The following AGBL1 variants were observed in gnomAD, a reference collection of about 807,000 sequenced individuals.
The protein encoded by AGBL1 is cytosolic carboxypeptidase 4.
AGBL1 carries 130 observed loss-of-function variants against 118.9 expected under a neutral mutation model. The ratio of observed to expected loss-of-function variants is 1.09; its 90% CI spans 0.95 to 1.26. The LOEUF (loss-of-function observed/expected upper bound fraction) is 1.26, where lower values mean the gene tolerates loss of function less well. Among genes scored for constraint, AGBL1 ranks in the 50% most tolerant of loss-of-function variants. AGBL1 has a pLI of 0.00. For synonymous variants in AGBL1, 555 were observed against 478.9 expected, an observed-to-expected ratio of 1.16 and a Z score of -2.08; for missense variants, 1,584 against 1,298.1, an observed-to-expected ratio of 1.22 and a Z score of -3.38.
chr15:86,835,246 T>C (rs980843297), intron 22 of AGBL1, among the ~76,000 whole-genome samples: 9 of 151,986 alleles, frequency 5.9e-5, no homozygotes, highest in African/African-American at 2.2e-4. Flanking sequence ...TCTAGGTCTT[T>C]CACACCTAGA....
At chr15:86,459,076 G>T (rs1296156155) in intron 18 of AGBL1, among the ~76,000 whole-genome samples, 1 of 152,088 alleles carries the variant, frequency 6.6e-6, no homozygotes, top group Non-Finnish European at 1.5e-5. Context: ...TTTGATCCAA[G>T]AAACTAGAAG....
chr15:86,392,326 C>T (rs1174744107), intron 17 of AGBL1, among the ~76,000 whole-genome samples: 1 of 152,044 alleles, frequency 6.6e-6, no homozygotes, highest in Non-Finnish European at 1.5e-5. Flanking sequence ...AACTAGTTTC[C>T]TATGAATGTG....
intron 23 of AGBL1, among the ~76,000 whole-genome samples, chr15:86,970,818 T>C (rs1283395887): frequency 6.6e-6 from 1 of 151,964 alleles, no homozygotes; most frequent in Non-Finnish European, 1.5e-5. Flanking sequence ...GCCCTCCATA[T>C]CTATGGGTCC....
At chr15:86,361,019 G>C (rs1260353475) in intron 17 of AGBL1, among the ~76,000 whole-genome samples, 1 of 150,102 alleles carries the variant, frequency 6.7e-6, no homozygotes, top group Non-Finnish European at 1.5e-5. Flanking sequence ...TGCTAATTTT[G>C]ATCTTTTTTA....
At chr15:86,335,870 G>A (rs548413270) in intron 17 of AGBL1, among the ~76,000 whole-genome samples, 18 of 152,314 alleles carry the variant, frequency 1.2e-4, no homozygotes, top group African/African-American at 4.1e-4. Context: ...TACTACCTGT[G>A]AGAATTTGGC....
intron 5 of AGBL1, among the ~76,000 whole-genome samples, chr15:86,206,399 A>T (rs1000868214): frequency 8.5e-5 from 13 of 152,206 alleles, no homozygotes; most frequent in African/African-American, 3.1e-4. Flanking sequence ...ACTGTCTTCC[A>T]AAATGGTTGA....
chr15:86,493,933 A>C (rs1324386080), intron 18 of AGBL1, among the ~76,000 whole-genome samples: 1 of 151,650 alleles, frequency 6.6e-6, no homozygotes, highest in African/African-American at 2.4e-5. Flanking sequence ...TCTTCACTCT[A>C]TCCTTCCATT....
chr15:86,991,029 TG>T (rs2081331847), intron 24 of AGBL1, among the ~76,000 whole-genome samples: 2 of 152,224 alleles, frequency 1.3e-5, no homozygotes, highest in Admixed American at 6.5e-5. Flanking sequence ...TTTATTCATT[TG>T]TTGCTGTTAG....
intron 23 of AGBL1, among the ~76,000 whole-genome samples, chr15:86,921,793 C>A (rs777824533): frequency 4.6e-5 from 7 of 152,140 alleles, no homozygotes; most frequent in Non-Finnish European, 8.8e-5. Context: ...ATTTCACCAT[C>A]TTGTACTCAG....
chr15:86,445,954 T>A (rs2082115450), intron 18 of AGBL1, among the ~76,000 whole-genome samples: 1 of 152,090 alleles, frequency 6.6e-6, no homozygotes, highest in Non-Finnish European at 1.5e-5. Flanking sequence ...TCAAAGAACA[T>A]CTGTTATCCA....
At chr15:86,176,748 C>T (rs938456739) in intron 5 of AGBL1, among the ~76,000 whole-genome samples, 3 of 152,106 alleles carry the variant, frequency 2.0e-5, no homozygotes, top group Non-Finnish European at 4.4e-5. Flanking sequence ...GTGTGGGATC[C>T]AGCCTAAACT....
intron 18 of AGBL1, among the ~76,000 whole-genome samples, chr15:86,475,029 A>C (rs949306905): frequency 2.6e-5 from 4 of 151,806 alleles, no homozygotes; most frequent in African/African-American, 9.7e-5. Flanking sequence ...TGTTAGAAGG[A>C]AAACTAATAA....
intron 18 of AGBL1, among the ~76,000 whole-genome samples, chr15:86,497,068 A>G (rs950618719): frequency 9.9e-5 from 15 of 151,976 alleles, no homozygotes; most frequent in African/African-American, 3.6e-4. Flanking sequence ...TGAGATGAGG[A>G]CATTAGCAAA....
intron 22 of AGBL1, among the ~76,000 whole-genome samples, chr15:86,813,195 T>C (rs1381430795): frequency 1.2e-5 from 1 of 80,912 alleles, no homozygotes; most frequent in Non-Finnish European, 3.0e-5. Flanking sequence ...GGTCACACCT[T>C]TGAGGGTTGG....
At chr15:86,190,444 A>T (rs1286462775) in intron 5 of AGBL1, among the ~76,000 whole-genome samples, 2 of 152,166 alleles carry the variant, frequency 1.3e-5, no homozygotes, top group Non-Finnish European at 2.9e-5. Context: ...TCTATTCTTC[A>T]TATTTTATGT....
intron 23 of AGBL1, among the ~76,000 whole-genome samples, chr15:86,985,865 T>A (rs1269173973): frequency 6.6e-6 from 1 of 152,180 alleles, no homozygotes; most frequent in Non-Finnish European, 1.5e-5. Flanking sequence ...CCATTTCGAG[T>A]TCGCTTTTGT....
intron 1 of AGBL1, among the ~76,000 whole-genome samples, chr15:86,098,506 G>A (rs1339297069): frequency 6.6e-6 from 1 of 151,952 alleles, no homozygotes; most frequent in Admixed American, 6.6e-5. Context: ...GAGAGATAGG[G>A]GTCCATTTTC....
At chr15:87,005,615 C>T (rs1303757421) in intron 24 of AGBL1, among the ~76,000 whole-genome samples, 2 of 152,124 alleles carry the variant, frequency 1.3e-5, no homozygotes, top group Admixed American at 6.5e-5. Flanking sequence ...AGGTTTTTAA[C>T]TTCTTTGCCA....
At chr15:86,402,896 C>T (rs2081468962) in intron 18 of AGBL1, among the ~76,000 whole-genome samples, 1 of 152,066 alleles carries the variant, frequency 6.6e-6, no homozygotes, top group African/African-American at 2.4e-5. Flanking sequence ...CAAAAACAAA[C>T]AAACAAACAA....
Sources: allele counts gnomAD v4.1 joint callset (sites outside exome capture counted in the v4.1 genomes callset), GRCh38; gene constraint gnomAD v4.1.1; transcripts MANE v1.5; gene names NCBI Gene and HGNC (gene_info 2026-07-23, HGNC 2026-07-21).